The following PRKG1 variants were observed in gnomAD, a reference collection of about 807,000 sequenced individuals.
PRKG1 encodes the protein cGMP-dependent protein kinase 1.
In PRKG1, 35 loss-of-function variants were observed where a neutral mutation model predicts 88.1. The ratio of observed to expected loss-of-function variants is 0.40; its 90% confidence interval spans 0.30 to 0.53. PRKG1 has a LOEUF of 0.53. Among genes scored for constraint, PRKG1 ranks in the 20% least tolerant of loss-of-function variants. PRKG1 has a pLI of 0.59. For synonymous variants in PRKG1, 303 were observed against 292.5 expected (o/e 1.04, Z -0.37); for missense variants, 540 against 839.8 (o/e 0.64, Z 4.41).
At chr10:50,998,997 A>G (rs906550190) in intron 1 of PRKG1, among the ~76,000 whole-genome samples, 1 of 152,200 alleles carries the variant, frequency 6.6e-6, no homozygotes, top group Non-Finnish European at 1.5e-5. Flanking sequence ...TTTGGGGTAT[A>G]CTATGTTGAT....
chr10:51,615,383 G>T (rs1376595620), intron 3 of PRKG1, among the ~76,000 whole-genome samples: 1 of 152,060 alleles, frequency 6.6e-6, no homozygotes. Flanking sequence ...TCTCTTGCTA[G>T]ATTTGGGAAG....
intron 1 of PRKG1, among the ~76,000 whole-genome samples, chr10:51,087,432 T>A (rs1374141366): frequency 6.6e-6 from 1 of 152,188 alleles, no homozygotes; most frequent in Admixed American, 6.5e-5. Context: ...GTTTTTCATA[T>A]GGAGAAAATG....
intron 5 of PRKG1, among the ~76,000 whole-genome samples, chr10:52,037,910 C>A (rs182086724): frequency 2.7e-5 from 4 of 148,098 alleles, no homozygotes; most frequent in Admixed American, 6.8e-5. Context: ...AGGGGACAGG[C>A]GGGAGGGAAA....
intron 5 of PRKG1, among the ~76,000 whole-genome samples, chr10:51,980,287 T>A (rs1259330948): frequency 6.6e-6 from 1 of 152,152 alleles, no homozygotes; most frequent in Non-Finnish European, 1.5e-5. Flanking sequence ...AATTGTATGG[T>A]TTTGAAGAAT....
At chr10:51,791,408 C>T (rs756389463) in intron 3 of PRKG1, among the ~76,000 whole-genome samples, 2 of 152,082 alleles carry the variant, frequency 1.3e-5, no homozygotes, top group African/African-American at 2.4e-5. Context: ...TAAACAGCTC[C>T]TCTGAATTTA....
chr10:52,079,871 T>C (rs1846726429), intron 7 of PRKG1, among the ~76,000 whole-genome samples: 1 of 152,196 alleles, frequency 6.6e-6, no homozygotes, highest in South Asian at 2.1e-4. Context: ...ATATATGGTA[T>C]GGGGGCCTCC....
At chr10:51,341,022 T>C (rs1173478950) in intron 2 of PRKG1, among the ~76,000 whole-genome samples, 1 of 151,992 alleles carries the variant, frequency 6.6e-6, no homozygotes, top group African/African-American at 2.4e-5. Flanking sequence ...ATCCAAAGAG[T>C]CTCTACTCCA....
intron 9 of PRKG1, among the ~76,000 whole-genome samples, chr10:52,166,762 C>A (rs1014672314): frequency 8.6e-6 from 1 of 116,604 alleles, no homozygotes. Flanking sequence ...ACAGGCAAAA[C>A]AGCTATTTCT....
At chr10:51,628,008 CTCTTTCTT>C (rs762442433) in intron 3 of PRKG1, among the ~76,000 whole-genome samples, 1,166 of 50,070 alleles carry the variant, frequency 0.023, 84 homozygotes, top group Non-Finnish European at 0.031. Context: ...CTCTCTCTCT[CTCTTTCTT>C]TCTTTCTTTC....
At chr10:51,593,454 A>T (rs527864199) in intron 3 of PRKG1, among the ~76,000 whole-genome samples, 1 of 152,234 alleles carries the variant, frequency 6.6e-6, no homozygotes, top group Admixed American at 6.5e-5. Flanking sequence ...GCCATTACTG[A>T]TTATGAAACT....
chr10:51,997,183 A>C (rs564795901), intron 5 of PRKG1, among the ~76,000 whole-genome samples: 1 of 152,138 alleles, frequency 6.6e-6, no homozygotes, highest in African/African-American at 2.4e-5. Flanking sequence ...GTTAGATAAG[A>C]GAAATAAAGC....
At chr10:51,577,951 G>C (rs1837930214) in intron 3 of PRKG1, among the ~76,000 whole-genome samples, 1 of 151,998 alleles carries the variant, frequency 6.6e-6, no homozygotes, top group African/African-American at 2.4e-5. Context: ...AAATCACCTG[G>C]AAGTTGTTTC....
intron 3 of PRKG1, chr10:51,698,477 G>A (rs753137311): frequency 2.5e-6 from 4 of 1,613,952 alleles, no homozygotes; most frequent in African/African-American, 2.7e-5. Flanking sequence ...ACCCTGATGG[G>A]GTGGACCCAG....
At chr10:52,100,450 G>GT (rs1448978094) in intron 7 of PRKG1, among the ~76,000 whole-genome samples, 1 of 152,120 alleles carries the variant, frequency 6.6e-6, no homozygotes, top group Non-Finnish European at 1.5e-5. Flanking sequence ...CAATGAAACC[G>GT]TTTTTATTTG....
chr10:52,166,839 G>GTATATATATATGTATATATGTATA lies in PRKG1; in HGVS notation c.1076+4885_1076+4886insATGTATATATGTATATATATATAT, dbSNP rs375678645. On this transcript the variant is annotated intron_variant, in intron 9 of 17. Transcript: ENST00000373980. ...TATATGTATATATATGTATATATAT[G>GTATATATATATGTATATATGTATA]TATATATATGTCTATATATATATCT... Among the ~76,000 whole-genome samples, 63 of 90,494 alleles carry GTATATATATATGTATATATGTATA rather than the reference G, an allele frequency of 7.0e-4. 4 individuals are homozygous for GTATATATATATGTATATATGTATA. The highest frequency in any genetic ancestry group is 2.3e-3 in the East Asian group (5 of 2,144). The allele number at this position is 90,494 out of a possible 152,430, so 59.4% of individuals were successfully genotyped here.
At chr10:51,918,790 C>G (rs911741751) in intron 5 of PRKG1, among the ~76,000 whole-genome samples, 1 of 152,162 alleles carries the variant, frequency 6.6e-6, no homozygotes, top group Non-Finnish European at 1.5e-5. Context: ...TTTACAGGGA[C>G]AAGTGATGCA....
chr10:52,192,726 TTAAG>T (rs1839397389), intron 9 of PRKG1, among the ~76,000 whole-genome samples: 1 of 152,062 alleles, frequency 6.6e-6, no homozygotes, highest in African/African-American at 2.4e-5. Flanking sequence ...TTCTAAGATA[TTAAG>T]TATTTATATA....
intron 4 of PRKG1, among the ~76,000 whole-genome samples, chr10:51,876,173 C>T (rs1263413172): frequency 6.6e-6 from 1 of 152,036 alleles, no homozygotes; most frequent in Admixed American, 6.6e-5. Context: ...TACATTTGCC[C>T]TCCCCACATC....
intron 4 of PRKG1, among the ~76,000 whole-genome samples, chr10:51,855,205 T>G (rs1840649987): frequency 6.6e-6 from 1 of 152,166 alleles, no homozygotes; most frequent in Non-Finnish European, 1.5e-5. Flanking sequence ...ACTCTCTATC[T>G]TTCAGCCTAA....
Sources: allele counts gnomAD v4.1 joint callset (sites outside exome capture counted in the v4.1 genomes callset), GRCh38; gene constraint gnomAD v4.1.1; transcripts MANE v1.5; gene names NCBI Gene and HGNC (gene_info 2026-07-23, HGNC 2026-07-21).